GATA4: variants seen among roughly 807,000 people sequenced by gnomAD.
GATA4 encodes the protein transcription factor GATA-4.
A neutral mutation model predicts 37.9 loss-of-function variants in GATA4; 7 were observed. The ratio of observed to expected loss-of-function variants is 0.18; its 90% CI spans 0.11 to 0.35. GATA4 has a LOEUF of 0.35. GATA4 is among the 10% of genes least tolerant of loss of function. GATA4 has a pLI of 1.00. For synonymous variants in GATA4, 372 were observed against 292.6 expected (o/e 1.27, Z -2.77); for missense variants, 647 against 653.0 (o/e 0.99, Z 0.10).
In GATA4 at chr8:11,750,332, C is replaced by T; in HGVS notation, c.912+96C>T. 2.6e-6 allele frequency: 4 copies of T among 1,536,674 alleles called. No homozygotes were observed. The South Asian group carries it at 4.6e-5, about 18-fold the overall frequency. ...TTCCTTTGTACTAGCATTCATTTTT[C>T]CTTCTTAACAAAGAGACTTAGATTT... On this transcript the variant is annotated intron_variant, in intron 4 of 6. Coordinates refer to ENST00000532059, the MANE Select transcript of GATA4 (RefSeq NM_001308093.3).
intron 4 of GATA4, among the ~76,000 whole-genome samples, chr8:11,753,031 C>T (rs914626335): frequency 2.6e-5 from 4 of 152,174 alleles, no homozygotes; most frequent in African/African-American, 4.8e-5. Flanking sequence ...AGAATTACCA[C>T]ATGATCCAGC....
rs912721646 is a variant in GATA4, at chr8:11,758,866, C to T, written c.*391C>T. On this transcript the variant is annotated 3_prime_UTR_variant, in exon 7 of 7. Coordinates refer to ENST00000532059, the MANE Select transcript of GATA4 (RefSeq NM_001308093.3). Reference sequence around the variant, plus strand: ...GGGCCCTGGGACCCCTGCTCCAGCCCGAATGACGGCATCTGTTTGCCATGT... The same window carrying T: ...GGGCCCTGGGACCCCTGCTCCAGCCTGAATGACGGCATCTGTTTGCCATGT... The T allele has an allele frequency of 2.8e-5, 9 of 326,504 alleles. No individual in the cohort carries two copies. The highest frequency in any genetic ancestry group is 4.2e-5 in the Non-Finnish European group (7 of 167,514). 20.2% of individuals were successfully genotyped at this position (326,504 alleles called of 1,614,324 possible). A position where few individuals can be genotyped will look rare whatever the true frequency, so the allele number is the denominator to read the frequency against.
Position 11,758,509 on chromosome 8 carries a change from A to T in GATA4, c.*34A>T, listed in dbSNP as rs779553455. ...CTTCCCTCCTCAAATTCCTGCACGG[A>T]CCTGGGACTTGGAGGATAGCAAAGA... is the stretch of plus-strand genomic sequence containing the variant. On this transcript the variant is annotated 3_prime_UTR_variant, in exon 7 of 7. Coordinates refer to ENST00000532059, the MANE Select transcript of GATA4 (RefSeq NM_001308093.3). 9 of 1,610,082 alleles carry T rather than the reference A, an allele frequency of 5.6e-6. No individual in the cohort carries two copies. Among genetic ancestry groups the T allele is most frequent in the Non-Finnish European group, 6.8e-6 (8 of 1,176,462 alleles).
At chr8:11,721,431 G>A (rs1193868321) in intron 2 of GATA4, among the ~76,000 whole-genome samples, 2 of 151,082 alleles carry the variant, frequency 1.3e-5, no homozygotes, top group East Asian at 3.9e-4. Context: ...CAGATATAGC[G>A]CTTTGGTTAT....
intron 4 of GATA4, among the ~76,000 whole-genome samples, chr8:11,753,548 C>G (rs1213586146): frequency 6.7e-6 from 1 of 148,228 alleles, no homozygotes; most frequent in African/African-American, 2.5e-5. Context: ...GGGGGAGATT[C>G]TTCTGAGGCC....
At chr8:11,738,431 A>C (rs970012545) in intron 2 of GATA4, among the ~76,000 whole-genome samples, 8 of 152,160 alleles carry the variant, frequency 5.3e-5, no homozygotes, top group Non-Finnish European at 8.8e-5. Flanking sequence ...TGTAATGTCC[A>C]TGCCTTCTAA....
In GATA4 at chr8:11,709,631, C is replaced by G. The variant is rs4489290; in HGVS notation, c.616+703C>G. Among the ~76,000 whole-genome samples the G allele has an allele frequency of 0.79, 118,978 of 150,046 alleles. 49,004 individuals are homozygous for G. The highest frequency in any genetic ancestry group is 0.89 in the Non-Finnish European group (60,499 of 67,772). On this transcript the variant is annotated intron_variant, in intron 2 of 6. Transcript: ENST00000532059. This position sits in a 1 kb window ranked among gnomAD's most constrained non-coding sequence, Gnocchi z 4.3. Reference sequence around the variant, plus strand: ...TCCGGGAACATAGGGACCTCAAACGCGCTTGTTCATGACACCCGAGTTAAA... The same window carrying G: ...TCCGGGAACATAGGGACCTCAAACGGGCTTGTTCATGACACCCGAGTTAAA...
intron 2 of GATA4, among the ~76,000 whole-genome samples, chr8:11,721,731 G>C (rs777545156): frequency 1.2e-4 from 18 of 152,192 alleles, no homozygotes; most frequent in Admixed American, 3.3e-4. Flanking sequence ...GTGTTCGTCT[G>C]ACCCAGAAGG....
At chr8:11,704,169 G>T (rs1306725165), upstream of GATA4, 1 of 152,274 alleles carries the variant, frequency 6.6e-6, no homozygotes, top group Non-Finnish European at 1.5e-5. Flanking sequence ...CCCTAGGGCC[G>T]AGTTGCTGGG....
chr8:11,755,968 T>G (rs1015465637), intron 5 of GATA4, among the ~76,000 whole-genome samples: 2 of 150,454 alleles, frequency 1.3e-5, no homozygotes, highest in Non-Finnish European at 3.0e-5. Context: ...TTTAAATTTA[T>G]TTTTAATAAA....
intron 2 of GATA4, among the ~76,000 whole-genome samples, chr8:11,730,378 C>G (rs1189002152): frequency 6.6e-6 from 1 of 152,224 alleles, no homozygotes; most frequent in Non-Finnish European, 1.5e-5. Flanking sequence ...TCTATGGGCC[C>G]TTCTACCTCT....
chr8:11,730,083 C>T (rs62489346), intron 2 of GATA4, among the ~76,000 whole-genome samples: 2,633 of 152,064 alleles, frequency 0.017, 38 homozygotes, highest in African/African-American at 0.05. Flanking sequence ...GCCCAGCTAA[C>T]GTCTATATTT....
intron 2 of GATA4, among the ~76,000 whole-genome samples, chr8:11,744,236 G>A (rs1801918703): frequency 6.6e-6 from 1 of 152,112 alleles, no homozygotes; most frequent in Non-Finnish European, 1.5e-5. Flanking sequence ...ACTCCCTCCT[G>A]ACCCCTCCAA....
rs548037078 is a variant in GATA4, at chr8:11,749,458, C to T, written c.786+373C>T. Among the ~76,000 whole-genome samples, 24 of 152,310 alleles carry T rather than the reference C, an allele frequency of 1.6e-4. No homozygotes were observed. Among genetic ancestry groups the T allele is most frequent in the African/African-American group, 5.8e-4 (24 of 41,560 alleles). On this transcript the variant is annotated intron_variant, in intron 3 of 6. Coordinates refer to ENST00000532059, the MANE Select transcript of GATA4 (RefSeq NM_001308093.3). The surrounding 1 kb of genome is among the most constrained non-coding windows in gnomAD (Gnocchi z 4.6). ...CACACCAACCCTGCAAGGAAGGTCACCTCAGAGGCTGGTCTCTACCCTGAC... is the reference window on the plus strand; with the variant it reads ...CACACCAACCCTGCAAGGAAGGTCATCTCAGAGGCTGGTCTCTACCCTGAC...
chr8:11,752,254 A>C (rs1333985874), intron 4 of GATA4, among the ~76,000 whole-genome samples: 1 of 152,142 alleles, frequency 6.6e-6, no homozygotes, highest in African/African-American at 2.4e-5. Flanking sequence ...TGGATGGGTG[A>C]ACACACACAC....
rs1466375836 is a variant in GATA4 at position 11,758,668 on chromosome 8, G to A, written c.*193G>A. 16 of 647,748 alleles carry A rather than the reference G, an allele frequency of 2.5e-5. 1 individual carries two copies. In the East Asian group the frequency reaches 2.8e-4, roughly 11 times the overall value. The allele number at this position is 647,748 out of a possible 1,614,324, so 40.1% of individuals were successfully genotyped here. ...TGGATTTTCTCAGATGCCTTTACAC[G>A]CTGATGGGACTGGAGGGAGCCCACC... On this transcript the variant is annotated 3_prime_UTR_variant, in exon 7 of 7. Coordinates refer to ENST00000532059, the MANE Select transcript of GATA4 (RefSeq NM_001308093.3).
At chr8:11,720,610 C>G (rs1297075586) in intron 2 of GATA4, among the ~76,000 whole-genome samples, 1 of 152,206 alleles carries the variant, frequency 6.6e-6, no homozygotes, top group African/African-American at 2.4e-5. Flanking sequence ...CCACCCTCCA[C>G]TCTCAATTAG....
At chr8:11,696,165 A>G (rs746354712) in intron 1 of GATA4, among the ~76,000 whole-genome samples, 5 of 152,098 alleles carry the variant, frequency 3.3e-5, no homozygotes, top group Non-Finnish European at 7.4e-5. Flanking sequence ...CACTCCTTTT[A>G]GTGTACAGTT....
intron 2 of GATA4, among the ~76,000 whole-genome samples, chr8:11,735,366 T>C (rs922864485): frequency 3.9e-5 from 6 of 152,242 alleles, no homozygotes; most frequent in Admixed American, 3.3e-4. Flanking sequence ...AGTGATTGGA[T>C]AGCAGATGGT....
Sources: allele counts gnomAD v4.1 joint callset (sites outside exome capture counted in the v4.1 genomes callset), GRCh38; gene constraint gnomAD v4.1.1; non-coding constraint Gnocchi (gnomAD v3.1); transcripts MANE v1.5; gene names NCBI Gene and HGNC (gene_info 2026-07-23, HGNC 2026-07-21).